The following SCFD2 variants were observed in gnomAD, a reference collection of about 807,000 sequenced individuals.
SCFD2 encodes sec1 family domain containing 2.
In SCFD2, 54 loss-of-function variants were observed where a neutral mutation model predicts 58.9. That is an observed-to-expected ratio of 0.92 (90% CI 0.74 to 1.15). The LOEUF (loss-of-function observed/expected upper bound fraction) is 1.15, where lower values mean the gene tolerates loss of function less well. Among genes scored for constraint, SCFD2 ranks in the 50% most tolerant of loss-of-function variants. The pLI is 0.00. For synonymous variants in SCFD2, 321 were observed against 335.9 expected, an observed-to-expected ratio of 0.96 and a Z score of 0.49; for missense variants, 805 against 836.6, an observed-to-expected ratio of 0.96 and a Z score of 0.47.
At chr4:53,250,178 C>G (rs545599866) in intron 4 of SCFD2, among the ~76,000 whole-genome samples, 1 of 152,228 alleles carries the variant, frequency 6.6e-6, no homozygotes, top group East Asian at 1.9e-4. Context: ...AGACTTTAAA[C>G]CAACAAAGAT....
chr4:52,881,643 A>G (rs1024181444), intron 8 of SCFD2, among the ~76,000 whole-genome samples: 1 of 152,224 alleles, frequency 6.6e-6, no homozygotes, highest in Non-Finnish European at 1.5e-5. Flanking sequence ...CGTGGTTCCA[A>G]AGAGCACCCA....
At chr4:52,933,063 G>C (rs182179320) in intron 5 of SCFD2, among the ~76,000 whole-genome samples, 3 of 152,106 alleles carry the variant, frequency 2.0e-5, no homozygotes, top group Admixed American at 6.5e-5. Flanking sequence ...CTTGAAGGTG[G>C]ATTCCAAAAC....
intron 1 of SCFD2, among the ~76,000 whole-genome samples, chr4:53,357,332 G>C (rs1248084810): frequency 6.6e-6 from 1 of 151,974 alleles, no homozygotes; most frequent in Non-Finnish European, 1.5e-5. Context: ...AGGAGGCTGA[G>C]GCACAAGAAT....
At chr4:53,179,701 C>A (rs1322986194) in intron 4 of SCFD2, among the ~76,000 whole-genome samples, 1 of 152,122 alleles carries the variant, frequency 6.6e-6, no homozygotes, top group Non-Finnish European at 1.5e-5. Flanking sequence ...AAGACACAGA[C>A]TGGCAAATTG....
intron 5 of SCFD2, among the ~76,000 whole-genome samples, chr4:53,067,249 T>C (rs1280298831): frequency 6.6e-6 from 1 of 152,002 alleles, no homozygotes; most frequent in Non-Finnish European, 1.5e-5. Context: ...CAACCCTGTG[T>C]ATCATGGCCT....
intron 5 of SCFD2, among the ~76,000 whole-genome samples, chr4:53,131,594 T>C (rs547809005): frequency 2.6e-5 from 4 of 152,202 alleles, no homozygotes; most frequent in South Asian, 2.1e-4. Context: ...AACCATAGAA[T>C]GGCAGAGAAA....
intron 5 of SCFD2, among the ~76,000 whole-genome samples, chr4:53,070,890 T>G (rs1167093134): frequency 1.3e-5 from 2 of 152,100 alleles, no homozygotes. Context: ...CATAGAACAC[T>G]CTCCCATTAG....
intron 5 of SCFD2, among the ~76,000 whole-genome samples, chr4:52,970,384 T>A (rs887126066): frequency 6.6e-6 from 1 of 152,226 alleles, no homozygotes; most frequent in Admixed American, 6.5e-5. Context: ...TGTGCATGGC[T>A]CAGAGGGTCC....
intron 8 of SCFD2, among the ~76,000 whole-genome samples, chr4:52,884,957 C>T (rs1718700250): frequency 1.3e-5 from 2 of 152,204 alleles, no homozygotes; most frequent in Non-Finnish European, 2.9e-5. Flanking sequence ...CACCCTGGCA[C>T]ATTTCCTAAA....
chr4:53,251,427 C>CA (rs1189399350), intron 4 of SCFD2, among the ~76,000 whole-genome samples: 1 of 151,950 alleles, frequency 6.6e-6, no homozygotes, highest in Non-Finnish European at 1.5e-5. Flanking sequence ...AGAGACACAA[C>CA]AAAAAAAGAG....
chr4:53,009,281 A>C (rs1433926569), intron 5 of SCFD2, among the ~76,000 whole-genome samples: 1 of 152,200 alleles, frequency 6.6e-6, no homozygotes, highest in Non-Finnish European at 1.5e-5. Context: ...ATCTTCCCAG[A>C]AGCATTTTCC....
chr4:53,361,253 A>G (rs1484861342), intron 1 of SCFD2, among the ~76,000 whole-genome samples: 2 of 152,248 alleles, frequency 1.3e-5, no homozygotes, highest in Admixed American at 6.5e-5. Flanking sequence ...GTGACACAAT[A>G]CCATCACATC....
intron 4 of SCFD2, among the ~76,000 whole-genome samples, chr4:53,200,323 C>A (rs1728190333): frequency 6.6e-6 from 1 of 152,012 alleles, no homozygotes; most frequent in East Asian, 1.9e-4. Flanking sequence ...AACAGCCTCT[C>A]CTATTCTTTT....
chr4:53,202,174 C>T (rs1728264454), intron 4 of SCFD2, among the ~76,000 whole-genome samples: 1 of 152,072 alleles, frequency 6.6e-6, no homozygotes, highest in Non-Finnish European at 1.5e-5. Flanking sequence ...ACATGTAAGT[C>T]TTTAATCCAT....
intron 3 of SCFD2, among the ~76,000 whole-genome samples, chr4:53,291,957 A>T (rs1289271276): frequency 6.6e-6 from 1 of 152,188 alleles, no homozygotes; most frequent in Non-Finnish European, 1.5e-5. Context: ...CCCCTTCCTT[A>T]TGCCTTATAC....
At chr4:53,036,246 T>C (rs1238313542) in intron 5 of SCFD2, among the ~76,000 whole-genome samples, 2 of 151,486 alleles carry the variant, frequency 1.3e-5, no homozygotes, top group Non-Finnish European at 2.9e-5. Flanking sequence ...TGTGTGATGG[T>C]CCCCGCCCTG....
At position 52,992,457 on chromosome 4, in the gene SCFD2, G is replaced by A. The variant is rs577954287; in HGVS notation, c.1562-71587C>T. On this transcript the variant is annotated intron_variant, in intron 5 of 8. Transcript: ENST00000401642. ...CTCTGCCGGGCCGCCACCCCGTCTG[G>A]GAAGTGAGGAGCGTCTCTGCATGGC... Among the ~76,000 whole-genome samples the A allele has an allele frequency of 8.5e-4, 129 of 152,334 alleles. 1 individual carries two copies. Among genetic ancestry groups the A allele is most frequent in the African/African-American group, 3.0e-3 (124 of 41,576 alleles).
In SCFD2 at chr4:53,365,456, A is replaced by G. The variant is rs1367971413; in HGVS notation, c.486T>C (p.Pro162=). 6.2e-7 allele frequency: 1 copy of G among 1,614,166 alleles called. No individual in the cohort carries two copies. ...EVFHVPLLLA[P]VAPHFALTPA... is the part of the protein sequence containing the mutation. The stretch of plus-strand genomic sequence containing the variant: ...GAGTCAAGGCAAAGTGGGGAGCAAC[A>G]GGGGCAAGCAATAACGGGACATGGA... Residue 162 remains proline (P), a synonymous_variant, in exon 1 of 9, where the codon CCT becomes CCC. Transcript: ENST00000401642. The surrounding 1 kb of genome is among the most constrained non-coding windows in gnomAD (Gnocchi z 4.3).
chr4:52,878,034 C>A (rs992330263), intron 8 of SCFD2, among the ~76,000 whole-genome samples: 1 of 152,168 alleles, frequency 6.6e-6, no homozygotes, highest in African/African-American at 2.4e-5. Context: ...GCCCAAAGAC[C>A]CCTCCTCCAT....
Sources: allele counts gnomAD v4.1 joint callset (sites outside exome capture counted in the v4.1 genomes callset), GRCh38; gene constraint gnomAD v4.1.1; non-coding constraint Gnocchi (gnomAD v3.1); transcripts MANE v1.5; gene names NCBI Gene and HGNC (gene_info 2026-07-23, HGNC 2026-07-21).